CCAR1: variants seen among roughly 807,000 people sequenced by gnomAD.
CCAR1 encodes cell division cycle and apoptosis regulator protein 1.
Under a neutral mutation model 163.8 loss-of-function variants are expected in CCAR1, and 78 were observed. The ratio of observed to expected loss-of-function variants is 0.48; its 90% CI spans 0.40 to 0.57. CCAR1 has a LOEUF of 0.57. Ranked by LOEUF, CCAR1 falls within the 20% of genes least tolerant of loss-of-function variation. CCAR1 has a pLI of 0.00. For missense variants in CCAR1, 1,019 were observed against 1,365.2 expected, an observed-to-expected ratio of 0.75 and a Z score of 4.00; for synonymous variants, 443 against 460.7, an observed-to-expected ratio of 0.96 and a Z score of 0.49.
intron 10 of CCAR1, among the ~76,000 whole-genome samples, chr10:68,750,421 C>T (rs1185285353): frequency 6.6e-6 from 1 of 151,930 alleles, no homozygotes; most frequent in Non-Finnish European, 1.5e-5. Context: ...GGGGTTTCAC[C>T]ATGTTGTTGG....
At chr10:68,769,995 G>A (rs888810114) in intron 17 of CCAR1, among the ~76,000 whole-genome samples, 1 of 150,920 alleles carries the variant, frequency 6.6e-6, no homozygotes, top group African/African-American at 2.4e-5. Flanking sequence ...GTATGCTATA[G>A]CCCATTATCT....
chr10:68,760,198 C>T (rs556282515), intron 15 of CCAR1, among the ~76,000 whole-genome samples: 19 of 152,044 alleles, frequency 1.2e-4, no homozygotes, highest in Non-Finnish European at 1.9e-4. Context: ...TCTGTCGCCG[C>T]GGCTGGAGTG....
intron 2 of CCAR1, among the ~76,000 whole-genome samples, chr10:68,728,281 ACATC>A (rs2055977405): frequency 6.6e-6 from 1 of 151,956 alleles, no homozygotes; most frequent in African/African-American, 2.4e-5. Context: ...ATTTTTTTAA[ACATC>A]CATTTCATTT....
In CCAR1 at chr10:68,767,923, C is replaced by T. The variant is rs554004525; in HGVS notation, c.2298+1844C>T. On this transcript the variant is annotated intron_variant, in intron 17 of 24. Coordinates refer to ENST00000265872, the MANE Select transcript of CCAR1 (RefSeq NM_018237.4). ...CTTTTATCTTTAAGTGTAATTGCTT[C>T]ACTCCTTAAAAATAGAATTTCCAAC... is the stretch of plus-strand genomic sequence containing the variant. 2.6e-5 allele frequency among the ~76,000 whole-genome samples: 4 copies of T among 152,312 alleles called. No homozygotes were observed. In the South Asian group the frequency reaches 8.3e-4, roughly 32 times the overall value.
intron 19 of CCAR1, among the ~76,000 whole-genome samples, chr10:68,777,684 A>C (rs2056683059): frequency 8.9e-6 from 1 of 112,520 alleles, no homozygotes; most frequent in Admixed American, 9.3e-5. Flanking sequence ...ACTCCGTCTC[A>C]AAAAAAAAAA....
intron 15 of CCAR1, among the ~76,000 whole-genome samples, chr10:68,759,153 C>G (rs1003064863): frequency 6.6e-6 from 1 of 152,176 alleles, no homozygotes; most frequent in African/African-American, 2.4e-5. Flanking sequence ...GTAGCTCATG[C>G]CTGTGATCCC....
intron 2 of CCAR1, among the ~76,000 whole-genome samples, chr10:68,735,051 C>G (rs2056091032): frequency 6.6e-6 from 1 of 152,116 alleles, no homozygotes; most frequent in South Asian, 2.1e-4. Context: ...TGTACACTAA[C>G]TAAAACCTCT....
intron 19 of CCAR1, among the ~76,000 whole-genome samples, chr10:68,780,223 C>T (rs2056719301): frequency 6.6e-6 from 1 of 152,068 alleles, no homozygotes; most frequent in Non-Finnish European, 1.5e-5. Flanking sequence ...TTTTTCAAGA[C>T]AGTCTTATTC....
At chr10:68,768,493 C>T (rs2056562254) in intron 17 of CCAR1, among the ~76,000 whole-genome samples, 1 of 152,000 alleles carries the variant, frequency 6.6e-6, no homozygotes, top group Non-Finnish European at 1.5e-5. Flanking sequence ...CGCCTGTAAT[C>T]CCAGCTACTC....
Position 68,736,952 on chromosome 10 carries a change from A to G in CCAR1, c.150A>G (p.Ala50=), listed in dbSNP as rs2056119133. 1 of 1,613,986 alleles carries G rather than the reference A, an allele frequency of 6.2e-7. No homozygotes were observed. The highest frequency in any genetic ancestry group is 1.1e-5 in the South Asian group (1 of 91,084). The part of the protein sequence containing the change: ...TIYTQQTALA[A]AGLTTQTPAN... ...ATACACAGCAAACTGCATTGGCAGC[A>G]GCAGGCCTTACCACACAAACTCCAG... Residue 50 remains alanine (A), a synonymous_variant, in exon 3 of 25, where the codon GCA becomes GCG. Transcript: ENST00000265872.
At chr10:68,736,072 C>T (rs2056105804) in intron 2 of CCAR1, among the ~76,000 whole-genome samples, 1 of 152,006 alleles carries the variant, frequency 6.6e-6, no homozygotes, top group Admixed American at 6.6e-5. Flanking sequence ...AGCCTGGTCT[C>T]GAACTCTTGA....
At chr10:68,770,206 A>G (rs61869868) in intron 17 of CCAR1, among the ~76,000 whole-genome samples, 15,109 of 152,032 alleles carry the variant, frequency 0.099, 934 homozygotes, top group South Asian at 0.16. Context: ...TGTTTTTCAT[A>G]TAATTTGATG....
chr10:68,786,005 T>A, intron 19 of CCAR1, 131 bp from the exon 20 acceptor site: 1 of 618,272 alleles, frequency 1.6e-6, no homozygotes, highest in Non-Finnish European at 2.9e-6. Flanking sequence ...TGCAGTGGTA[T>A]AGTCATAGCT....
chr10:68,760,958 C>T (rs1401126163), intron 15 of CCAR1, 49 bp from the exon 16 acceptor site: 1 of 712,742 alleles, frequency 1.4e-6, no homozygotes, highest in Non-Finnish European at 2.1e-6. Context: ...CTGCCCCCCG[C>T]CCCCCGCCAC....
At chr10:68,725,663 A>G (rs1416309057) in intron 2 of CCAR1, among the ~76,000 whole-genome samples, 1 of 152,150 alleles carries the variant, frequency 6.6e-6, no homozygotes, top group Non-Finnish European at 1.5e-5. Flanking sequence ...TAATTTGAAT[A>G]TATTTTTATT....
intron 15 of CCAR1, among the ~76,000 whole-genome samples, chr10:68,758,302 A>AC (rs1231208743): frequency 1.3e-5 from 2 of 151,296 alleles, no homozygotes; most frequent in Non-Finnish European, 2.9e-5. Context: ...CGATCTATCC[A>AC]CCCCCGCCTC....
intron 2 of CCAR1, among the ~76,000 whole-genome samples, chr10:68,723,948 C>G (rs1458861147): frequency 6.6e-6 from 1 of 151,780 alleles, no homozygotes; most frequent in Non-Finnish European, 1.5e-5. Context: ...CACCTGAAGT[C>G]AGGAGTTCAA....
Position 68,753,855 on chromosome 10 carries a change from C to T in CCAR1, c.1122C>T (p.Pro374=). Residue 374 remains proline (P), a synonymous_variant, in exon 11 of 25, where the codon CCC becomes CCT. Coordinates refer to ENST00000265872, the MANE Select transcript of CCAR1 (RefSeq NM_018237.4). ...ACTACTTATGTCTGTTTTTCAGTCC[C>T]AGTTGTGACATGATGGAACTAAGGC... The part of the protein sequence containing the change: ...VQFSKFSLDC[P]SCDMMELRRR... 1 of 1,609,540 alleles carries T rather than the reference C, an allele frequency of 6.2e-7. No homozygotes were observed. The highest frequency in any genetic ancestry group is 8.5e-7 in the Non-Finnish European group (1 of 1,176,342).
At chr10:68,754,576 T>C in intron 11 of CCAR1, 138 bp from the exon 12 acceptor site, 3 of 572,520 alleles carry the variant, frequency 5.2e-6, no homozygotes, top group Non-Finnish European at 9.1e-6. Context: ...AGGTATCTAA[T>C]ACTGTTTCTG....
Sources: gnomAD v4.1 joint callset for allele counts (sites outside exome capture counted in the v4.1 genomes callset) on GRCh38, gnomAD v4.1.1 for gene constraint, MANE v1.5 for transcripts, NCBI Gene and HGNC (gene_info 2026-07-23, HGNC 2026-07-21) for gene names.